Variants in IQCK observed in about 807,000 individuals in gnomAD.
IQCK encodes the protein IQ motif containing K.
IQCK carries 29 observed loss-of-function variants against 28.1 expected under a neutral mutation model. That is an observed-to-expected ratio of 1.03 (90% CI 0.77 to 1.41). IQCK has a LOEUF of 1.41. Among genes scored for constraint, IQCK ranks in the 40% most tolerant of loss-of-function variants. IQCK has a pLI of 0.00. For missense variants in IQCK, 359 were observed against 314.7 expected (o/e 1.14, Z -1.07); for synonymous variants, 113 against 115.1 (o/e 0.98, Z 0.12).
At chr16:19,770,112 G>A (rs924236546) in intron 6 of IQCK, among the ~76,000 whole-genome samples, 15 of 152,156 alleles carry the variant, frequency 9.9e-5, no homozygotes, top group African/African-American at 3.1e-4. Context: ...AGTAGGATAT[G>A]AAGAGAAACG....
At chr16:19,824,416 G>T (rs1226141418) in intron 7 of IQCK, among the ~76,000 whole-genome samples, 3 of 152,162 alleles carry the variant, frequency 2.0e-5, no homozygotes, top group Admixed American at 2.0e-4. Flanking sequence ...TACAGATGAA[G>T]CTTCCCTGCT....
chr16:19,761,737 C>A (rs769285180), intron 4 of IQCK: 4 of 237,970 alleles, frequency 1.7e-5, no homozygotes, highest in Non-Finnish European at 3.4e-5. Flanking sequence ...TCTGGGATGT[C>A]TTTTCCCTTG....
At chr16:19,813,982 G>T (rs184575683) in intron 7 of IQCK, among the ~76,000 whole-genome samples, 3 of 152,186 alleles carry the variant, frequency 2.0e-5, no homozygotes, top group East Asian at 3.9e-4. Context: ...ACTTTGGGAG[G>T]CCAGGGTGGC....
At chr16:19,833,075 C>T (rs2056252851) in intron 9 of IQCK, among the ~76,000 whole-genome samples, 2 of 152,130 alleles carry the variant, frequency 1.3e-5, no homozygotes, top group Admixed American at 6.6e-5. Flanking sequence ...ATCTATCACC[C>T]TTAGTTACGA....
At position 19,730,423 on chromosome 16, in the gene IQCK, C is replaced by G. The variant is rs1298437259; in HGVS notation, c.182-7C>G. 6 of 1,591,328 alleles carry G rather than the reference C, an allele frequency of 3.8e-6. No individual in the cohort carries two copies. The highest frequency in any genetic ancestry group is 5.1e-6 in the Non-Finnish European group (6 of 1,170,692). Reference sequence around the variant, plus strand: ...GGAATTGAGGATTTTTTTTCCCTTCCCTTTAGAGTATGAAGCTGAGCAGCC... The same window carrying G: ...GGAATTGAGGATTTTTTTTCCCTTCGCTTTAGAGTATGAAGCTGAGCAGCC... On this transcript the variant is annotated splice_polypyrimidine_tract_variant and splice_region_variant and intron_variant, in intron 1 of 7. Coordinates refer to ENST00000564186, the Ensembl canonical transcript of IQCK.
intron 4 of IQCK, among the ~76,000 whole-genome samples, chr16:19,756,355 C>G (rs1425714543): frequency 6.6e-6 from 1 of 152,004 alleles, no homozygotes; most frequent in Non-Finnish European, 1.5e-5. Flanking sequence ...AAACCATTGA[C>G]AAGATAAGCC....
chr16:19,856,759 TC>T (rs111765482), exon 10 of IQCK: 5,929 of 546,532 alleles, frequency 0.011, 300 homozygotes, highest in African/African-American at 0.1. Context: ...TTCTGCATTA[TC>T]CCCACATTTT....
chr16:19,829,457 C>T (rs1419696410), downstream of IQCK, among the ~76,000 whole-genome samples: 4 of 152,090 alleles, frequency 2.6e-5, no homozygotes, highest in African/African-American at 9.7e-5. Flanking sequence ...ATGCCTCAGC[C>T]TCCCAAGTAG....
chr16:19,849,950 A>C (rs1056892057), intron 9 of IQCK, among the ~76,000 whole-genome samples: 14 of 152,136 alleles, frequency 9.2e-5, no homozygotes, highest in Admixed American at 7.9e-4. Context: ...AACAATTTCA[A>C]ATTTGCATAA....
At chr16:19,857,365 G>C (rs2729) in exon 10 of IQCK, 408,466 of 415,340 alleles carry the variant, frequency 0.98, 200,875 homozygotes, top group East Asian at 1. Context: ...TCTGCCCATG[G>C]TTTACAGCCT....
chr16:19,722,285 G>T (rs543727612), intron 1 of IQCK, among the ~76,000 whole-genome samples: 1 of 152,188 alleles, frequency 6.6e-6, no homozygotes, highest in East Asian at 1.9e-4. Context: ...ATCTGTACAC[G>T]TGGAAGAAGC....
chr16:19,780,594 G>C (rs148255598), intron 6 of IQCK, among the ~76,000 whole-genome samples: 3 of 152,292 alleles, frequency 2.0e-5, no homozygotes, highest in South Asian at 2.1e-4. Flanking sequence ...GAAAGGGAAG[G>C]AAATTCCCTC....
chr16:19,851,641 T>G (rs1200813800), intron 9 of IQCK, among the ~76,000 whole-genome samples: 3 of 152,164 alleles, frequency 2.0e-5, no homozygotes. Flanking sequence ...TAATTGAAGC[T>G]GAAGGGCTGG....
At chr16:19,750,552 C>G (rs2054972497) in intron 4 of IQCK, among the ~76,000 whole-genome samples, 1 of 151,588 alleles carries the variant, frequency 6.6e-6, no homozygotes, top group Non-Finnish European at 1.5e-5. Context: ...ACCTCCAACT[C>G]CCGGATTCAA....
At position 19,858,102 on chromosome 16, in the gene IQCK, G is replaced by T; in HGVS notation, c.*1554G>T. ...TTAAACAGAGGTGCCATTTAATTTT[G>T]TCTTTAAACCTTGCTCCACGGGGGG... is the stretch of plus-strand genomic sequence containing the variant. On this transcript the variant is annotated 3_prime_UTR_variant, in exon 10 of 10. Transcript: ENST00000320394. 4.8e-5 allele frequency: 8 copies of T among 167,634 alleles called. No homozygotes were observed. In the East Asian group the frequency reaches 6.4e-4, roughly 13 times the overall value. 10.4% of individuals were successfully genotyped at this position (167,634 alleles called of 1,614,324 possible).
intron 1 of IQCK, among the ~76,000 whole-genome samples, chr16:19,720,080 C>T (rs1212704968): frequency 6.6e-6 from 1 of 152,002 alleles, no homozygotes; most frequent in East Asian, 1.9e-4. Flanking sequence ...AATGAATGTA[C>T]CAGTATATGC....
chr16:19,829,794 T>C (rs1328244329), downstream of IQCK, among the ~76,000 whole-genome samples: 1 of 152,204 alleles, frequency 6.6e-6, no homozygotes, highest in Non-Finnish European at 1.5e-5. Context: ...GCAAGAATAA[T>C]TGCAGTTTTT....
At chr16:19,844,289 C>T (rs767687921) in intron 9 of IQCK, among the ~76,000 whole-genome samples, 3 of 152,006 alleles carry the variant, frequency 2.0e-5, no homozygotes, top group Non-Finnish European at 2.9e-5. Flanking sequence ...TATGTTGGCC[C>T]GGCGGTGTTG....
intron 2 of IQCK, among the ~76,000 whole-genome samples, chr16:19,733,419 G>C (rs754451137): frequency 6.6e-6 from 1 of 152,054 alleles, no homozygotes; most frequent in Admixed American, 6.6e-5. Context: ...GATTACAGGC[G>C]TGAGTTTCTT....
Sources: gnomAD v4.1 joint callset for allele counts (sites outside exome capture counted in the v4.1 genomes callset) on GRCh38, gnomAD v4.1.1 for gene constraint, MANE v1.5 for transcripts, NCBI Gene and HGNC (gene_info 2026-07-23, HGNC 2026-07-21) for gene names.